The following CDH12 variants were observed in gnomAD, a reference collection of about 807,000 sequenced individuals.
CDH12 encodes cadherin-12.
CDH12 carries 41 observed loss-of-function variants against 74.1 expected under a neutral mutation model. That is an observed-to-expected ratio of 0.55 (90% CI 0.43 to 0.72). The LOEUF (loss-of-function observed/expected upper bound fraction) is 0.72, where lower values mean the gene tolerates loss of function less well. Among genes scored for constraint, CDH12 ranks in the 30% least tolerant of loss-of-function variants. The pLI, the probability that CDH12 is intolerant of heterozygous loss-of-function variation, is 0.00. For synonymous variants in CDH12, 399 were observed against 355.0 expected (o/e 1.12, Z -1.39); for missense variants, 945 against 977.2 (o/e 0.97, Z 0.44).
intron 3 of CDH12, among the ~76,000 whole-genome samples, chr5:22,349,047 T>G (rs1238609465): frequency 6.6e-6 from 1 of 152,122 alleles, no homozygotes; most frequent in African/African-American, 2.4e-5. Flanking sequence ...ATGGGATGAG[T>G]GCCCTATAGA....
At chr5:21,832,534 G>A (rs1011122713) in intron 8 of CDH12, among the ~76,000 whole-genome samples, 4 of 151,232 alleles carry the variant, frequency 2.6e-5, no homozygotes, top group Non-Finnish European at 4.4e-5. Flanking sequence ...TTTGGAAGAC[G>A]TCTAAACAAG....
intron 1 of CDH12, among the ~76,000 whole-genome samples, chr5:22,507,111 T>G (rs1001913398): frequency 1.3e-5 from 2 of 152,058 alleles, no homozygotes; most frequent in Non-Finnish European, 2.9e-5. Context: ...TTCATTACGC[T>G]TGAAAAAGAA....
intron 1 of CDH12, among the ~76,000 whole-genome samples, chr5:22,674,326 G>A (rs1460963457): frequency 6.6e-6 from 1 of 152,122 alleles, no homozygotes; most frequent in Non-Finnish European, 1.5e-5. Flanking sequence ...TTTAAAAAGA[G>A]GAGTTTCCCT....
At chr5:21,899,104 G>A (rs1216149085) in intron 6 of CDH12, among the ~76,000 whole-genome samples, 2 of 152,094 alleles carry the variant, frequency 1.3e-5, no homozygotes, top group African/African-American at 4.8e-5. Context: ...TGTATTTGCT[G>A]TAAATTACCC....
intron 3 of CDH12, among the ~76,000 whole-genome samples, chr5:22,239,480 A>G (rs758347545): frequency 1.3e-5 from 2 of 152,142 alleles, no homozygotes; most frequent in Non-Finnish European, 2.9e-5. Flanking sequence ...CACGTCTGCT[A>G]CACTAAGATT....
At chr5:21,775,383 A>C (rs1341730382) in intron 11 of CDH12, among the ~76,000 whole-genome samples, 1 of 152,182 alleles carries the variant, frequency 6.6e-6, no homozygotes, top group Non-Finnish European at 1.5e-5. Flanking sequence ...TTGGATCCAT[A>C]GTAAGCTGGG....
At chr5:22,008,788 C>A (rs1737117109) in intron 5 of CDH12, among the ~76,000 whole-genome samples, 1 of 152,134 alleles carries the variant, frequency 6.6e-6, no homozygotes, top group South Asian at 2.1e-4. Context: ...TGACCTGCGA[C>A]CATTTTAAAA....
At chr5:22,545,761 CTTT>C (rs1184790889) in intron 1 of CDH12, among the ~76,000 whole-genome samples, 1 of 151,974 alleles carries the variant, frequency 6.6e-6, no homozygotes, top group Non-Finnish European at 1.5e-5. Context: ...CTATTTTTCT[CTTT>C]TATTTGACAC....
rs768945480 is a variant in CDH12, at chr5:22,452,880, C to CAAAAAAA, written c.-427-47536_-427-47530dup. ...ATAAGAAACTCAAACAACCTAAGAG[C>CAAAAAAA]AAAAAAAAAAAAAAAAAAAAAAAAT... On this transcript the variant is annotated intron_variant, in intron 2 of 14. Coordinates refer to ENST00000382254, the MANE Select transcript of CDH12 (RefSeq NM_004061.5). 6.0e-3 allele frequency among the ~76,000 whole-genome samples: 194 copies of CAAAAAAA among 32,136 alleles called. 4 individuals are homozygous for CAAAAAAA. Among genetic ancestry groups the CAAAAAAA allele is most frequent in the Non-Finnish European group, 7.6e-3 (146 of 19,212 alleles). 21.1% of individuals were successfully genotyped at this position (32,136 alleles called of 152,430 possible).
chr5:22,156,936 T>C (rs1407672651), intron 4 of CDH12, among the ~76,000 whole-genome samples: 1 of 152,170 alleles, frequency 6.6e-6, no homozygotes, highest in Non-Finnish European at 1.5e-5. Flanking sequence ...TCTTTTTGTT[T>C]TCTTTATAAC....
At chr5:22,393,287 G>A (rs1742324000) in intron 3 of CDH12, among the ~76,000 whole-genome samples, 1 of 152,110 alleles carries the variant, frequency 6.6e-6, no homozygotes, top group African/African-American at 2.4e-5. Context: ...GTGGCCATAA[G>A]CCAAGGAAGT....
At chr5:22,417,165 T>C (rs1411857074) in intron 2 of CDH12, among the ~76,000 whole-genome samples, 1 of 152,202 alleles carries the variant, frequency 6.6e-6, no homozygotes, top group African/African-American at 2.4e-5. Context: ...CATTTTGCAT[T>C]TTAAGAAAAA....
intron 2 of CDH12, among the ~76,000 whole-genome samples, chr5:22,491,114 A>T (rs1746843597): frequency 6.6e-6 from 1 of 152,132 alleles, no homozygotes; most frequent in African/African-American, 2.4e-5. Context: ...ATTACCTTAT[A>T]GGTAGTTTTT....
rs561866817 is a variant in CDH12 at position 22,232,014 on chromosome 5, AG to A, written c.-332-19372del. The stretch of plus-strand genomic sequence containing the variant: ...TATACATTGCCTAAAATATTAATGA[AG>A]GTTTTTTTATAGTAGCCACTTAAAT... On this transcript the variant is annotated intron_variant, in intron 3 of 14. Coordinates refer to ENST00000382254, the MANE Select transcript of CDH12 (RefSeq NM_004061.5). 4.3e-4 allele frequency among the ~76,000 whole-genome samples: 65 copies of A among 151,970 alleles called. No homozygotes were observed. The South Asian group carries it at 5.0e-3, about 12-fold the overall frequency.
chr5:22,311,993 G>A (rs913435122), intron 3 of CDH12, among the ~76,000 whole-genome samples: 1 of 151,964 alleles, frequency 6.6e-6, no homozygotes, highest in East Asian at 1.9e-4. Flanking sequence ...TGATCATGCA[G>A]TGCCAGCTTA....
chr5:22,039,909 A>G (rs1739449999), intron 5 of CDH12, among the ~76,000 whole-genome samples: 1 of 152,072 alleles, frequency 6.6e-6, no homozygotes, highest in Admixed American at 6.5e-5. Context: ...TGGTGACATG[A>G]AAAAGCAAGG....
chr5:22,255,576 G>A (rs534645684), intron 3 of CDH12, among the ~76,000 whole-genome samples: 1 of 151,604 alleles, frequency 6.6e-6, no homozygotes, highest in East Asian at 1.9e-4. Flanking sequence ...AAATATTTAT[G>A]TCTCAAGGTC....
Position 22,058,553 on chromosome 5 carries a change from A to G in CDH12, c.231+19893T>C, listed in dbSNP as rs377211536. ...GGATCTAGTGTATTTTTGTATATAG[A>G]TTACCGCGGGTTTTTTTTTAATCTG... On this transcript the variant is annotated intron_variant, in intron 5 of 14. Coordinates refer to ENST00000382254, the MANE Select transcript of CDH12 (RefSeq NM_004061.5). Among the ~76,000 whole-genome samples, 3 of 151,840 alleles carry G rather than the reference A, an allele frequency of 2.0e-5. No individual in the cohort carries two copies. In the South Asian group the frequency reaches 6.2e-4, roughly 32 times the overall value.
chr5:22,169,917 G>A (rs1459423312), intron 4 of CDH12, among the ~76,000 whole-genome samples: 1 of 151,750 alleles, frequency 6.6e-6, no homozygotes, highest in Admixed American at 6.6e-5. Flanking sequence ...TTCTATACTT[G>A]TTAATATATG....
Sources: allele counts gnomAD v4.1 joint callset (sites outside exome capture counted in the v4.1 genomes callset), GRCh38; gene constraint gnomAD v4.1.1; transcripts MANE v1.5; gene names NCBI Gene and HGNC (gene_info 2026-07-23, HGNC 2026-07-21).